The following CELSR1 variants were observed in gnomAD, a reference collection of about 807,000 sequenced individuals.
CELSR1 encodes adhesion G protein-coupled receptor C1.
A neutral mutation model predicts 249.1 loss-of-function variants in CELSR1; 110 were observed. The ratio of observed to expected loss-of-function variants is 0.44; its 90% confidence interval spans 0.38 to 0.52. The LOEUF (loss-of-function observed/expected upper bound fraction) is 0.52. Ranked by LOEUF, CELSR1 falls within the 20% of genes least tolerant of loss-of-function variation. The pLI, the probability that CELSR1 is intolerant of heterozygous loss-of-function variation, is 0.00. For synonymous variants in CELSR1, 2,113 were observed against 1,900.0 expected (o/e 1.11, Z -2.92); for missense variants, 4,109 against 4,296.4 (o/e 0.96, Z 1.22).
At position 46,440,016 on chromosome 22, in the gene CELSR1, C is replaced by T. The variant is rs1569164343; in HGVS notation, c.4184-605G>A. On this transcript the variant is annotated intron_variant, in intron 2 of 34. Transcript: ENST00000674500. The surrounding 1 kb of genome is among the most constrained non-coding windows in gnomAD (Gnocchi z 4.7). ...AATCTGGCCCGTCTCGCCCACCAGCCTGTGAGCTCCTGAAGGGCAGGCACC... is the reference window on the plus strand; with the variant it reads ...AATCTGGCCCGTCTCGCCCACCAGCTTGTGAGCTCCTGAAGGGCAGGCACC... 6.6e-6 allele frequency among the ~76,000 whole-genome samples: 1 copy of T among 152,140 alleles called. No individual in the cohort carries two copies. Among genetic ancestry groups the T allele is most frequent in the Admixed American group, 6.5e-5 (1 of 15,274 alleles).
At chr22:46,460,517 C>T (rs1292046755) in intron 2 of CELSR1, among the ~76,000 whole-genome samples, 2 of 152,140 alleles carry the variant, frequency 1.3e-5, no homozygotes, top group Non-Finnish European at 2.9e-5. Context: ...TGTGTCTGGA[C>T]CCACAGGAGC....
In CELSR1 at chr22:46,500,393, G is replaced by A. The variant is rs1430132819; in HGVS notation, c.3544+33234C>T. Among the ~76,000 whole-genome samples, 1 of 152,204 alleles carries A rather than the reference G, an allele frequency of 6.6e-6. No individual in the cohort carries two copies. Among genetic ancestry groups the A allele is most frequent in the East Asian group, 1.9e-4 (1 of 5,190 alleles). ...TGGCGCAGAGATCACATTTACAGCGGTGGCGGTAACCATGGAAACTGGCAG... is the reference window on the plus strand; with the variant it reads ...TGGCGCAGAGATCACATTTACAGCGATGGCGGTAACCATGGAAACTGGCAG... On this transcript the variant is annotated intron_variant, in intron 1 of 34. Coordinates refer to ENST00000674500, the MANE Select transcript of CELSR1 (RefSeq NM_001378328.1). This position sits in a 1 kb window ranked among gnomAD's most constrained non-coding sequence, Gnocchi z 4.9.
intron 1 of CELSR1, among the ~76,000 whole-genome samples, chr22:46,482,036 G>A (rs2147667124): frequency 6.6e-6 from 1 of 152,290 alleles, no homozygotes; most frequent in South Asian, 2.1e-4. Context: ...GCCTCCCAAA[G>A]TGCTGGGATC....
chr22:46,532,197 G>C (rs917633794), intron 1 of CELSR1, among the ~76,000 whole-genome samples: 1 of 152,078 alleles, frequency 6.6e-6, no homozygotes, highest in Non-Finnish European at 1.5e-5. Context: ...CCCTATTATT[G>C]GGCCAAGTCA....
intron 2 of CELSR1, among the ~76,000 whole-genome samples, chr22:46,444,494 G>C (rs2079794367): frequency 6.6e-6 from 1 of 152,250 alleles, no homozygotes; most frequent in Non-Finnish European, 1.5e-5. Context: ...CCCAGCCGCA[G>C]GTGTTTGCCC....
At chr22:46,462,887 C>G (rs2080047826) in intron 2 of CELSR1, 1 of 467,956 alleles carries the variant, frequency 2.1e-6, no homozygotes, top group African/African-American at 2.0e-5. Context: ...GAAAGAGCAT[C>G]TTCAGAGGCG....
At chr22:46,403,116 T>C (rs961020652) in intron 9 of CELSR1, among the ~76,000 whole-genome samples, 2 of 152,168 alleles carry the variant, frequency 1.3e-5, no homozygotes, top group Admixed American at 6.5e-5. Flanking sequence ...TAAATTTGTA[T>C]GCACCTAATA....
chr22:46,534,517 G>A lies in CELSR1; in HGVS notation c.2654C>T (p.Ala885Val), dbSNP rs1389463456. 4 of 1,613,334 alleles carry A rather than the reference G, an allele frequency of 2.5e-6. No individual in the cohort carries two copies. The highest frequency in any genetic ancestry group is 1.6e-4 in the Middle Eastern group (1 of 6,084). Residue 885 changes from alanine (A) to valine (V), a missense_variant, in exon 1 of 35, where the codon GCC (alanine) becomes GTC (valine). Ala to Val is a moderately conservative substitution (Grantham distance 64). Transcript: ENST00000674500. This position sits in a 1 kb window ranked among gnomAD's most constrained non-coding sequence, Gnocchi z 9.7. ...TTTLEILILD[A>V]NDNAPQFLWD... ...CAGGAACTGGGGTGCATTGTCATTG[G>A]CATCGAGGATGAGGATCTCTAGGGT...
rs2078722576 is a variant in CELSR1, at chr22:46,363,023, G to C, written c.*200C>G. ...AGGTCTGACAGGCCCTGAGCTCCTG[G>C]GAGAACCAAGACCTTTGTGTCTGGA... On this transcript the variant is annotated 3_prime_UTR_variant, in exon 35 of 35. Transcript: ENST00000674500. The surrounding 1 kb of genome is among the most constrained non-coding windows in gnomAD (Gnocchi z 4.3). The C allele has an allele frequency of 8.8e-7, 1 of 1,131,724 alleles. No individual in the cohort carries two copies. The allele number at this position is 1,131,724 out of a possible 1,614,324, so 70.1% of individuals were successfully genotyped here. A position where few individuals can be genotyped will look rare whatever the true frequency, so the allele number is the denominator to read the frequency against.
In CELSR1 at chr22:46,391,672, C is replaced by T. The variant is rs750070867; in HGVS notation, c.6109G>A (p.Asp2037Asn). The change falls in exon 15 of 35, where the codon GAC (aspartate) becomes AAC (asparagine). Residue 2037 changes from aspartate to asparagine, a missense_variant. Asp to Asn is a conservative substitution (Grantham distance 23). Coordinates refer to ENST00000674500, the MANE Select transcript of CELSR1 (RefSeq NM_001378328.1). This position sits in a 1 kb window ranked among gnomAD's most constrained non-coding sequence, Gnocchi z 4.3. The stretch of plus-strand genomic sequence containing the variant: ...GTGGTGACCTCGGCAAACGGGTTGT[C>T]GCAGCGGTTGCACTGGCGGCCGATG... The part of the protein sequence containing the change: ...GVIGRQCNRC[D>N]NPFAEVTTLG... The T allele has an allele frequency of 9.3e-6, 15 of 1,607,846 alleles. No homozygotes were observed. The highest frequency in any genetic ancestry group is 1.3e-5 in the Non-Finnish European group (15 of 1,178,720).
chr22:46,379,757 A>G (rs1213107270), intron 22 of CELSR1, among the ~76,000 whole-genome samples: 2 of 152,198 alleles, frequency 1.3e-5, no homozygotes, highest in East Asian at 3.9e-4. Flanking sequence ...TGATGGGGGC[A>G]GCGTTCCTGC....
Position 46,468,202 on chromosome 22 carries a change from CT to C in CELSR1, c.3545-3858del, listed in dbSNP as rs2080118020. 6.6e-6 allele frequency among the ~76,000 whole-genome samples: 1 copy of C among 151,822 alleles called. No homozygotes were observed. Among genetic ancestry groups the C allele is most frequent in the African/African-American group, 2.4e-5 (1 of 41,340 alleles). ...GGAGTTCAAGACCAGCCTGGGCGAC[CT>C]GGTGAAACCATGTCTCTACTAAAAA... On this transcript the variant is annotated intron_variant, in intron 1 of 34. Coordinates refer to ENST00000674500, the MANE Select transcript of CELSR1 (RefSeq NM_001378328.1). The surrounding 1 kb of genome is among the most constrained non-coding windows in gnomAD (Gnocchi z 4.5).
intron 19 of CELSR1, among the ~76,000 whole-genome samples, chr22:46,385,493 A>G (rs2079022362): frequency 1.3e-5 from 2 of 151,974 alleles, no homozygotes; most frequent in Non-Finnish European, 2.9e-5. Context: ...GGGGTCCTCG[A>G]CACCCACCCT....
intron 1 of CELSR1, among the ~76,000 whole-genome samples, chr22:46,475,655 C>T (rs1336971547): frequency 6.0e-5 from 5 of 83,724 alleles, no homozygotes; most frequent in Non-Finnish European, 1.4e-4. Flanking sequence ...AATAAAGAAA[C>T]GAATGGGGGG....
At position 46,395,402 on chromosome 22, in the gene CELSR1, C is replaced by T. The variant is rs575874734; in HGVS notation, c.5844-1140G>A. Among the ~76,000 whole-genome samples, 38 of 152,222 alleles carry T rather than the reference C, an allele frequency of 2.5e-4. No homozygotes were observed. In the South Asian group the frequency reaches 7.7e-3, roughly 31 times the overall value. On this transcript the variant is annotated intron_variant, in intron 13 of 34. Coordinates refer to ENST00000674500, the MANE Select transcript of CELSR1 (RefSeq NM_001378328.1). The surrounding 1 kb of genome is among the most constrained non-coding windows in gnomAD (Gnocchi z 5.5). Reference sequence around the variant, plus strand: ...TTGCGGGCCCACCTCTGTCCCCACCCAGGCCTCTCTAGATCAGCCTCATCC... The same window carrying T: ...TTGCGGGCCCACCTCTGTCCCCACCTAGGCCTCTCTAGATCAGCCTCATCC...
At chr22:46,370,280 C>T (rs1267715528) in intron 25 of CELSR1, 1 of 378,496 alleles carries the variant, frequency 2.6e-6, no homozygotes, top group Admixed American at 3.1e-5. Context: ...CATATACCCC[C>T]ATACCACATC....
In CELSR1 at chr22:46,536,498, C is replaced by A; in HGVS notation, c.673G>T (p.Ala225Ser). 6.4e-7 allele frequency: 1 copy of A among 1,569,972 alleles called. No homozygotes were observed. The highest frequency in any genetic ancestry group is 8.6e-7 in the Non-Finnish European group (1 of 1,161,026). The change falls in exon 1 of 35, where the codon GCC becomes TCC. Residue 225 changes from alanine to serine, a missense_variant. Ala to Ser is a moderately conservative substitution (Grantham distance 99). Around this residue, in one of 7 missense-constraint regions of CELSR1, gnomAD observed 673 missense variants for 636.8 expected, o/e 1.06. Coordinates refer to ENST00000674500, the MANE Select transcript of CELSR1 (RefSeq NM_001378328.1). The stretch of plus-strand genomic sequence containing the variant: ...GCCCGTCGCGCCGGCCCCGCCCGGG[C>A]TTCGGGCAAGTTCGGCGGCAGGGGC... ...SPPLPPNLPE[A>S]RAGPARRARR...
rs2079364385 is a variant in CELSR1, at chr22:46,413,742, A to G, written c.4612-1983T>C. Among the ~76,000 whole-genome samples, 1 of 152,220 alleles carries G rather than the reference A, an allele frequency of 6.6e-6. No homozygotes were observed. The highest frequency in any genetic ancestry group is 2.4e-5 in the African/African-American group (1 of 41,448). On this transcript the variant is annotated intron_variant, in intron 5 of 34. Coordinates refer to ENST00000674500, the MANE Select transcript of CELSR1 (RefSeq NM_001378328.1). The surrounding 1 kb of genome is among the most constrained non-coding windows in gnomAD (Gnocchi z 4.7). ...TAAGCAACAGGTAGGCGAGTGCATT[A>G]AAAATCATCTGTTTTCTCGCTGTGT... is the stretch of plus-strand genomic sequence containing the variant.
chr22:46,382,877 A>T (rs893780784), intron 20 of CELSR1, among the ~76,000 whole-genome samples: 5 of 152,186 alleles, frequency 3.3e-5, no homozygotes, highest in African/African-American at 7.2e-5. Context: ...AACGGTAGGC[A>T]CCAGGGGCTG....
Sources: gnomAD v4.1 joint callset for allele counts (sites outside exome capture counted in the v4.1 genomes callset) on GRCh38, gnomAD v4.1.1 for gene constraint, gnomAD v4.1.1 regional missense constraint, Gnocchi (gnomAD v3.1) non-coding constraint, MANE v1.5 for transcripts, NCBI Gene and HGNC (gene_info 2026-07-23, HGNC 2026-07-21) for gene names.